PRKN: variants seen among roughly 807,000 people sequenced by gnomAD.
PRKN encodes E3 ubiquitin-protein ligase parkin.
In PRKN, 56 loss-of-function variants were observed where a neutral mutation model predicts 59.5. The ratio of observed to expected loss-of-function variants is 0.94; its 90% confidence interval spans 0.76 to 1.18. The LOEUF is 1.18. PRKN is among the 50% of genes most tolerant of loss of function. PRKN has a pLI of 0.00. For missense variants in PRKN, 657 were observed against 596.4 expected, an observed-to-expected ratio of 1.10 and a Z score of -1.06; for synonymous variants, 250 against 222.1, an observed-to-expected ratio of 1.13 and a Z score of -1.12.
Position 161,835,068 on chromosome 6 carries a change from G to A in PRKN, c.735-49160C>T, listed in dbSNP as rs145560742. Among the ~76,000 whole-genome samples the A allele has an allele frequency of 2.3e-3, 349 of 152,254 alleles. 1 individual carries two copies. The highest frequency in any genetic ancestry group is 8.1e-3 in the African/African-American group (335 of 41,550). ...CTCCAGGGTAAGTCCGTCTCTTACT[G>A]ATTTCACTAATTCTTTCTCCCCTCT... On this transcript the variant is annotated intron_variant, in intron 6 of 11. Coordinates refer to ENST00000366898, the MANE Select transcript of PRKN (RefSeq NM_004562.3).
intron 4 of PRKN, among the ~76,000 whole-genome samples, chr6:162,192,442 A>ATTTTTTTT (rs10534285): frequency 1.3e-5 from 1 of 74,730 alleles, no homozygotes; most frequent in African/African-American, 6.4e-5. Context: ...AATTATAGGG[A>ATTTTTTTT]TTTTTTTTTT....
chr6:162,264,782 T>C (rs1780052983), intron 2 of PRKN: 1 of 152,172 alleles, frequency 6.6e-6, no homozygotes, highest in African/African-American at 2.4e-5. Context: ...ATCACCCGCT[T>C]CGAGCCTTCC....
intron 2 of PRKN, among the ~76,000 whole-genome samples, chr6:162,292,029 T>A (rs1002624237): frequency 6.6e-6 from 1 of 151,072 alleles, no homozygotes; most frequent in Non-Finnish European, 1.5e-5. Context: ...AATGGCGGGA[T>A]CTCGCCTCAC....
intron 6 of PRKN, among the ~76,000 whole-genome samples, chr6:161,832,449 C>T (rs1792541097): frequency 6.6e-6 from 1 of 151,728 alleles, no homozygotes; most frequent in African/African-American, 2.4e-5. Context: ...CATGGTGAAA[C>T]CTCGTCTCTA....
chr6:162,158,741 C>A (rs1007871317), intron 4 of PRKN, among the ~76,000 whole-genome samples: 2 of 151,956 alleles, frequency 1.3e-5, no homozygotes, highest in African/African-American at 4.8e-5. Flanking sequence ...GCTTGTTCCT[C>A]TTCTGCCTTC....
At position 161,827,875 on chromosome 6, in the gene PRKN, A is replaced by G. The variant is rs184915737; in HGVS notation, c.735-41967T>C. Among the ~76,000 whole-genome samples the G allele has an allele frequency of 3.3e-5, 5 of 152,190 alleles. No individual in the cohort carries two copies. The East Asian group carries it at 5.8e-4, about 18-fold the overall frequency. ...GGAAACTAAAAGACAACAGAATTCT[A>G]TTTCTACCAAGTTTTATTGACTATT... On this transcript the variant is annotated intron_variant, in intron 6 of 11. Transcript: ENST00000366898.
chr6:161,628,294 A>T (rs907485838), intron 7 of PRKN, among the ~76,000 whole-genome samples: 1 of 152,148 alleles, frequency 6.6e-6, no homozygotes, highest in African/African-American at 2.4e-5. Context: ...AAGCCACGGA[A>T]ATTTATTTCT....
chr6:162,078,001 T>TAAA (rs59795906), intron 4 of PRKN, among the ~76,000 whole-genome samples: 2 of 123,552 alleles, frequency 1.6e-5, no homozygotes, highest in Non-Finnish European at 3.3e-5. Flanking sequence ...ACTCTCTCTC[T>TAAA]AAAAAAAAAA....
At chr6:161,599,658 C>T (rs563183511) in intron 7 of PRKN, among the ~76,000 whole-genome samples, 2 of 152,262 alleles carry the variant, frequency 1.3e-5, no homozygotes, top group South Asian at 4.1e-4. Flanking sequence ...CAACCAAAGC[C>T]TGGCTTACAG....
At chr6:161,887,324 A>G (rs1795191095) in intron 6 of PRKN, among the ~76,000 whole-genome samples, 2 of 152,244 alleles carry the variant, frequency 1.3e-5, no homozygotes, top group Non-Finnish European at 2.9e-5. Flanking sequence ...CAAAGAAATT[A>G]AAGCCAGAAG....
intron 6 of PRKN, among the ~76,000 whole-genome samples, chr6:161,798,943 A>G (rs1203573710): frequency 2.6e-5 from 4 of 152,016 alleles, no homozygotes; most frequent in African/African-American, 9.7e-5. Flanking sequence ...CCTTTTCATC[A>G]CAGGTCCCCG....
intron 4 of PRKN, among the ~76,000 whole-genome samples, chr6:162,188,876 T>C (rs1784143466): frequency 1.3e-5 from 2 of 152,156 alleles, no homozygotes; most frequent in African/African-American, 2.4e-5. Flanking sequence ...GAAAACAGTT[T>C]TGTGAAAAGC....
chr6:162,485,210 G>T (rs528559183), intron 1 of PRKN, among the ~76,000 whole-genome samples: 15 of 152,132 alleles, frequency 9.9e-5, no homozygotes, highest in Middle Eastern at 3.4e-3. Flanking sequence ...GGATATTTAG[G>T]GATATTCTTC....
intron 1 of PRKN, among the ~76,000 whole-genome samples, chr6:162,622,545 C>T (rs752547015): frequency 2.0e-5 from 3 of 152,126 alleles, no homozygotes; most frequent in Non-Finnish European, 4.4e-5. Flanking sequence ...CTGGTAATCC[C>T]TGAATTGTAC....
At chr6:162,278,241 C>T (rs1490148645) in intron 2 of PRKN, among the ~76,000 whole-genome samples, 1 of 152,048 alleles carries the variant, frequency 6.6e-6, no homozygotes, top group Non-Finnish European at 1.5e-5. Context: ...AAAAAGGCAA[C>T]ACTATAGAGA....
At chr6:161,850,307 C>T (rs1227258890) in intron 6 of PRKN, among the ~76,000 whole-genome samples, 2 of 152,130 alleles carry the variant, frequency 1.3e-5, no homozygotes, top group Admixed American at 6.5e-5. Context: ...AAGCCAGGCG[C>T]GGCAGCTGAC....
intron 2 of PRKN, among the ~76,000 whole-genome samples, chr6:162,293,929 C>A (rs187923522): frequency 6.6e-6 from 1 of 152,116 alleles, no homozygotes; most frequent in East Asian, 1.9e-4. Flanking sequence ...CCGTCCGCCT[C>A]GGCCTCCGAA....
chr6:162,351,178 G>T (rs554414222), intron 2 of PRKN, among the ~76,000 whole-genome samples: 20 of 152,140 alleles, frequency 1.3e-4, no homozygotes, highest in Admixed American at 1.2e-3. Context: ...GCCACAGAGC[G>T]AGTCTACGTT....
At chr6:162,212,939 G>T (rs1777451332) in intron 3 of PRKN, among the ~76,000 whole-genome samples, 1 of 152,154 alleles carries the variant, frequency 6.6e-6, no homozygotes, top group African/African-American at 2.4e-5. Context: ...TGATATGACT[G>T]GGTGATAGAA....
Sources: allele counts gnomAD v4.1 joint callset (sites outside exome capture counted in the v4.1 genomes callset), GRCh38; gene constraint gnomAD v4.1.1; transcripts MANE v1.5; gene names NCBI Gene and HGNC (gene_info 2026-07-23, HGNC 2026-07-21).